CEP89: variants seen among roughly 807,000 people sequenced by gnomAD.
CEP89 encodes the protein centrosomal protein of 89 kDa.
In CEP89, 95 loss-of-function variants were observed where a neutral mutation model predicts 97.6. The observed-to-expected ratio is 0.97, with a 90% CI of 0.82 to 1.15. The LOEUF is 1.15. CEP89 is among the 50% of genes most tolerant of loss of function. The pLI, the probability that CEP89 is intolerant of heterozygous loss-of-function variation, is 0.00. For missense variants in CEP89, 869 were observed against 947.7 expected (o/e 0.92, Z 1.09); for synonymous variants, 354 against 349.1 (o/e 1.01, Z -0.16).
At chr19:32,920,514 C>T (rs548525261) in intron 12 of CEP89, among the ~76,000 whole-genome samples, 7 of 152,006 alleles carry the variant, frequency 4.6e-5, no homozygotes, top group Non-Finnish European at 1.0e-4. Flanking sequence ...GACATGGTCT[C>T]GCTCTGTTGC....
intron 16 of CEP89, among the ~76,000 whole-genome samples, chr19:32,898,877 A>G (rs12985436): frequency 0.83 from 116,070 of 140,314 alleles, 46,833 homozygotes; most frequent in East Asian, 0.88. Flanking sequence ...GTGAGACTCC[A>G]TCTTAAAAAA....
At chr19:32,963,892 CCA>C (rs56322637) in intron 2 of CEP89, 41,233 of 146,040 alleles carry the variant, frequency 0.28, 6,428 homozygotes, top group African/African-American at 0.4. Context: ...TTATAAAAGA[CCA>C]CACACACACA....
At chr19:32,958,140 A>T (rs533876657) in intron 3 of CEP89, among the ~76,000 whole-genome samples, 1 of 151,958 alleles carries the variant, frequency 6.6e-6, no homozygotes, top group South Asian at 2.1e-4. Context: ...ACTCGTTTTT[A>T]GTTTTTACTC....
In CEP89 at chr19:32,944,079, T is replaced by C. The variant is rs141150994; in HGVS notation, c.595+4187A>G. Among the ~76,000 whole-genome samples, 24 of 151,896 alleles carry C rather than the reference T, an allele frequency of 1.6e-4. No individual in the cohort carries two copies. The East Asian group carries it at 3.9e-3, about 25-fold the overall frequency. On this transcript the variant is annotated intron_variant, in intron 5 of 18. Coordinates refer to ENST00000305768, the MANE Select transcript of CEP89 (RefSeq NM_032816.5). ...CCTGTGTCTAACAAAATACAAAAAT[T>C]AGCCAGGCATGATGATGCACACCTG... is the stretch of plus-strand genomic sequence containing the variant.
intron 5 of CEP89, among the ~76,000 whole-genome samples, chr19:32,940,614 G>A (rs1309803442): frequency 6.6e-6 from 1 of 152,202 alleles, no homozygotes; most frequent in African/African-American, 2.4e-5. Context: ...GTTCCTTGAA[G>A]CAAACTGTCT....
At chr19:32,890,941 G>C (rs1354717425) in intron 16 of CEP89, among the ~76,000 whole-genome samples, 1 of 152,164 alleles carries the variant, frequency 6.6e-6, no homozygotes, top group Non-Finnish European at 1.5e-5. Context: ...CATCCCTGGA[G>C]CGCCACGGAC....
rs749927577 is a variant in CEP89 at position 32,931,440 on chromosome 19, A to G, written c.1018T>C (p.Ser340Pro). 3 of 1,581,822 alleles carry G rather than the reference A, an allele frequency of 1.9e-6. No individual in the cohort carries two copies. The Admixed American group carries it at 6.1e-5, about 32-fold the overall frequency. Residue 340 changes from serine to proline, a missense_variant, in exon 9 of 19, where the codon TCC (serine) becomes CCC (proline). Transcript: ENST00000305768. Reference protein sequence around the residue: ...SRYQTKFRHLSKEESLNIEGL... With the variant: ...SRYQTKFRHLPKEESLNIEGL... ...ATCGGAAACGTTACCTCTTCCTTGG[A>G]CAAATGCCTGAATTTTGTCTGATAT...
intron 16 of CEP89, among the ~76,000 whole-genome samples, chr19:32,894,351 G>A (rs1969595271): frequency 6.6e-6 from 1 of 152,146 alleles, no homozygotes; most frequent in African/African-American, 2.4e-5. Flanking sequence ...AGCAAGATAA[G>A]TAGTCCCACA....
At chr19:32,883,964 A>G (rs1015120829) in intron 17 of CEP89, among the ~76,000 whole-genome samples, 10 of 152,134 alleles carry the variant, frequency 6.6e-5, no homozygotes, top group African/African-American at 1.9e-4. Context: ...GCGCATAGAT[A>G]CTCACAATTA....
chr19:32,952,497 G>A (rs73035548), intron 4 of CEP89, among the ~76,000 whole-genome samples: 21,570 of 150,372 alleles, frequency 0.14, 1,934 homozygotes, highest in Non-Finnish European at 0.21. Flanking sequence ...AAAAAAAAGT[G>A]TTTTAATATA....
intron 7 of CEP89, among the ~76,000 whole-genome samples, chr19:32,934,577 A>G (rs1375092900): frequency 6.6e-6 from 1 of 152,156 alleles, no homozygotes; most frequent in Non-Finnish European, 1.5e-5. Context: ...GCCTGGCCCA[A>G]CCTCTGACAC....
At chr19:32,891,179 C>T (rs758032317) in intron 16 of CEP89, among the ~76,000 whole-genome samples, 3 of 152,254 alleles carry the variant, frequency 2.0e-5, no homozygotes, top group Non-Finnish European at 4.4e-5. Flanking sequence ...CCACCCCCTC[C>T]AGCCGCAGAG....
intron 6 of CEP89, among the ~76,000 whole-genome samples, chr19:32,938,029 T>C (rs936321207): frequency 1.4e-5 from 2 of 139,752 alleles, no homozygotes; most frequent in African/African-American, 5.5e-5. Context: ...TTTGTAGAGA[T>C]GGGGTCTCCT....
intron 1 of CEP89, chr19:32,971,105 A>C: frequency 5.9e-6 from 1 of 168,298 alleles, no homozygotes; most frequent in Middle Eastern, 2.5e-3. Context: ...GCGAGAGTGG[A>C]AGCAGAGAAA....
chr19:32,951,813 A>C (rs1970925146), intron 4 of CEP89, among the ~76,000 whole-genome samples: 2 of 152,164 alleles, frequency 1.3e-5, no homozygotes, highest in South Asian at 4.1e-4. Context: ...GCCTAAAAAA[A>C]CAAAATATCT....
intron 16 of CEP89, among the ~76,000 whole-genome samples, chr19:32,890,399 C>CAAAAACCA (rs1969487956): frequency 1.3e-5 from 2 of 148,772 alleles, no homozygotes; most frequent in African/African-American, 4.9e-5. Context: ...GACTCCATCT[C>CAAAAACCA]AAAAACCAAA....
At chr19:32,946,422 G>A (rs79564987) in intron 5 of CEP89, among the ~76,000 whole-genome samples, 2,048 of 152,272 alleles carry the variant, frequency 0.013, 53 homozygotes, top group African/African-American at 0.046. Context: ...CAAATCTGGG[G>A]ACATAGAAAG....
At chr19:32,943,500 C>T (rs1748069488) in intron 5 of CEP89, among the ~76,000 whole-genome samples, 1 of 152,038 alleles carries the variant, frequency 6.6e-6, no homozygotes, top group South Asian at 2.1e-4. Context: ...TGGCTCATGC[C>T]TGTAATCCCA....
intron 1 of CEP89, chr19:32,968,936 T>C (rs998845503): frequency 1.3e-5 from 2 of 152,104 alleles, no homozygotes; most frequent in African/African-American, 2.4e-5. Context: ...TTTTATTTAG[T>C]GTTAGAAGAG....
Sources: gnomAD v4.1 joint callset for allele counts (sites outside exome capture counted in the v4.1 genomes callset) on GRCh38, gnomAD v4.1.1 for gene constraint, MANE v1.5 for transcripts, NCBI Gene and HGNC (gene_info 2026-07-23, HGNC 2026-07-21) for gene names.